The following NRG4 variants were observed in gnomAD, a reference collection of about 807,000 sequenced individuals.
The protein encoded by NRG4 is pro-neuregulin-4, membrane-bound isoform.
A neutral mutation model predicts 15.0 loss-of-function variants in NRG4; 10 were observed. The ratio of observed to expected loss-of-function variants is 0.67; its 90% confidence interval spans 0.41 to 1.13. The LOEUF (loss-of-function observed/expected upper bound fraction) is 1.13, where lower values mean the gene tolerates loss of function less well. NRG4 is among the 50% of genes most tolerant of loss of function. The probability of loss-of-function intolerance (pLI) is 0.00; values close to 1 mark genes in which losing one functional copy is unlikely to be tolerated. For synonymous variants in NRG4, 41 were observed against 50.1 expected (o/e 0.82, Z 0.77); for missense variants, 139 against 140.2 (o/e 0.99, Z 0.04).
intron 3 of NRG4, among the ~76,000 whole-genome samples, chr15:75,987,719 A>G (rs2033849423): frequency 6.6e-6 from 1 of 152,180 alleles, no homozygotes; most frequent in Non-Finnish European, 1.5e-5. Context: ...TGTCTATGGT[A>G]TTTTGTTGTA....
intron 4 of NRG4, among the ~76,000 whole-genome samples, chr15:75,960,902 T>C (rs571747798): frequency 2.0e-5 from 3 of 152,228 alleles, no homozygotes; most frequent in Non-Finnish European, 2.9e-5. Flanking sequence ...TTAAATGATA[T>C]GTTTTGGAAT....
chr15:75,970,293 G>A (rs965202026), intron 3 of NRG4, among the ~76,000 whole-genome samples: 1 of 152,168 alleles, frequency 6.6e-6, no homozygotes, highest in Non-Finnish European at 1.5e-5. Flanking sequence ...ATAAATGTTG[G>A]TTTTCAAATT....
chr15:75,998,112 T>C (rs1293317989), intron 3 of NRG4, among the ~76,000 whole-genome samples: 1 of 152,204 alleles, frequency 6.6e-6, no homozygotes, highest in Non-Finnish European at 1.5e-5. Flanking sequence ...ATTATAATGA[T>C]AACAGAAGTC....
chr15:75,981,345 T>C (rs184596720), intron 3 of NRG4, among the ~76,000 whole-genome samples: 1 of 152,228 alleles, frequency 6.6e-6, no homozygotes, highest in Non-Finnish European at 1.5e-5. Context: ...TGAGTAACCC[T>C]TGCCAATACC....
intron 3 of NRG4, among the ~76,000 whole-genome samples, chr15:76,004,362 G>A (rs966310948): frequency 6.6e-6 from 1 of 151,974 alleles, no homozygotes; most frequent in Admixed American, 6.6e-5. Flanking sequence ...GCACTTTGGG[G>A]AGCTGAGGCA....
chr15:76,040,322 GCAAA>G (rs2035701885), intron 4 of NRG4, among the ~76,000 whole-genome samples: 1 of 152,068 alleles, frequency 6.6e-6, no homozygotes, highest in Non-Finnish European at 1.5e-5. Flanking sequence ...AATGTATCCA[GCAAA>G]AATATCCTTC....
At chr15:75,988,863 T>TC (rs1440004211) in intron 3 of NRG4, among the ~76,000 whole-genome samples, 1 of 148,772 alleles carries the variant, frequency 6.7e-6, no homozygotes, top group Non-Finnish European at 1.5e-5. Context: ...CTTTTTTTTT[T>TC]TTTTTTTTTT....
At chr15:75,954,433 T>C (rs1179839816) in intron 5 of NRG4, among the ~76,000 whole-genome samples, 1 of 1,298 alleles carries the variant, frequency 7.7e-4, no homozygotes, top group East Asian at 0.5. Flanking sequence ...TTCAATTTCT[T>C]TTTTTTTTTT....
intron 2 of NRG4, among the ~76,000 whole-genome samples, chr15:76,053,853 A>T (rs2036084460): frequency 6.6e-6 from 1 of 151,086 alleles, no homozygotes; most frequent in South Asian, 2.1e-4. Flanking sequence ...GTTTTAAAAT[A>T]GCTTAATTAT....
At chr15:76,016,528 T>C (rs1254362208), upstream of NRG4, among the ~76,000 whole-genome samples, 1 of 152,218 alleles carries the variant, frequency 6.6e-6, no homozygotes, top group Non-Finnish European at 1.5e-5. Flanking sequence ...GAGATTCTGG[T>C]ACATTGTTTC....
At chr15:76,000,721 G>A (rs2034382676) in intron 3 of NRG4, among the ~76,000 whole-genome samples, 1 of 152,030 alleles carries the variant, frequency 6.6e-6, no homozygotes, top group African/African-American at 2.4e-5. Context: ...TATGTGCAAG[G>A]TAAAAAATTA....
intron 4 of NRG4, among the ~76,000 whole-genome samples, chr15:75,957,757 C>T (rs942828143): frequency 6.6e-6 from 1 of 152,128 alleles, no homozygotes; most frequent in Non-Finnish European, 1.5e-5. Context: ...GGTCACCATG[C>T]TTCTTGACTT....
At chr15:75,980,857 G>A (rs567051047) in intron 3 of NRG4, among the ~76,000 whole-genome samples, 48 of 152,008 alleles carry the variant, frequency 3.2e-4, no homozygotes, top group Non-Finnish European at 5.3e-4. Context: ...AAATGGTAAA[G>A]GTGGGGGAAA....
intron 3 of NRG4, among the ~76,000 whole-genome samples, chr15:75,970,209 C>T (rs2033025428): frequency 2.0e-5 from 3 of 152,172 alleles, no homozygotes; most frequent in African/African-American, 7.2e-5. Flanking sequence ...TTTAGTGAAA[C>T]ACATAGCAAG....
At position 75,990,671 on chromosome 15, in the gene NRG4, GT is replaced by G. The variant is rs374504639; in HGVS notation, c.104+18528del. On this transcript the variant is annotated intron_variant, in intron 3 of 5. Coordinates refer to ENST00000394907, the MANE Select transcript of NRG4 (RefSeq NM_138573.4). ...AATTTTCTTACTGTAGTTGGTAATT[GT>G]TTTTTTTTTTTGTTTTTTTTTTTTT... 2.2e-4 allele frequency among the ~76,000 whole-genome samples: 29 copies of G among 130,598 alleles called. No homozygotes were observed. In the East Asian group the frequency reaches 2.7e-3, roughly 12 times the overall value. 85.7% of individuals were successfully genotyped at this position (130,598 alleles called of 152,430 possible).
chr15:75,943,691 AT>A, intron 5 of NRG4, 37 bp from the exon 6 acceptor site: 1 of 1,439,472 alleles, frequency 6.9e-7, no homozygotes, highest in Non-Finnish European at 9.8e-7. Flanking sequence ...TGCTTTCTCC[AT>A]TGCAATGTTT....
intron 3 of NRG4, among the ~76,000 whole-genome samples, chr15:76,004,225 A>T (rs1255417769): frequency 6.6e-6 from 1 of 152,226 alleles, no homozygotes. Flanking sequence ...ATAACTTTAA[A>T]AGGTTAAATT....
intron 4 of NRG4, among the ~76,000 whole-genome samples, chr15:75,961,324 A>G (rs1212324653): frequency 1.3e-5 from 2 of 151,992 alleles, no homozygotes; most frequent in Admixed American, 6.6e-5. Context: ...CCCCAAATTA[A>G]TTGCCTTTTT....
intron 2 of NRG4, among the ~76,000 whole-genome samples, chr15:76,009,636 G>T (rs76126249): frequency 0.014 from 2,083 of 152,250 alleles, 59 homozygotes; most frequent in African/African-American, 0.047. Context: ...AGATTTGGCA[G>T]TATTACCTAG....
Sources: gnomAD v4.1 joint callset for allele counts (sites outside exome capture counted in the v4.1 genomes callset) on GRCh38, gnomAD v4.1.1 for gene constraint, MANE v1.5 for transcripts, NCBI Gene and HGNC (gene_info 2026-07-23, HGNC 2026-07-21) for gene names.